The following PLCXD3 variants were observed in gnomAD, a reference collection of about 807,000 sequenced individuals.
PLCXD3 encodes the protein PI-PLC X domain-containing protein 3.
A neutral mutation model predicts 25.5 loss-of-function variants in PLCXD3; 19 were observed. That is an observed-to-expected ratio of 0.75 (90% CI 0.52 to 1.09). The LOEUF is 1.09. Among genes scored for constraint, PLCXD3 ranks in the 50% least tolerant of loss-of-function variants. The pLI is 0.00. For missense variants in PLCXD3, 411 were observed against 388.1 expected, an observed-to-expected ratio of 1.06 and a Z score of -0.50; for synonymous variants, 174 against 137.6, an observed-to-expected ratio of 1.26 and a Z score of -1.85.
intron 1 of PLCXD3, 36 bp downstream of exon 1, chr5:41,510,388 C>A (rs374057483): frequency 1.6e-5 from 24 of 1,542,648 alleles, no homozygotes; most frequent in Non-Finnish European, 2.1e-5. Flanking sequence ...GTGGAGCGGG[C>A]GCCGAGCGCC....
Position 41,312,080 on chromosome 5 carries a change from A to T in PLCXD3, c.*1537T>A, listed in dbSNP as rs1330693445. The T allele has an allele frequency of 1.3e-5, 2 of 150,776 alleles. No individual in the cohort carries two copies. Among genetic ancestry groups the T allele is most frequent in the Non-Finnish European group, 2.9e-5 (2 of 67,966 alleles). The allele number at this position is 150,776 out of a possible 1,614,324, so 9.3% of individuals were successfully genotyped here. ...CCTGTGAAGTACATAGGCAAGGATT[A>T]TTGTGCTCTAAGTTTTTTTTTTTTA... On this transcript the variant is annotated 3_prime_UTR_variant, in exon 3 of 3. Coordinates refer to ENST00000377801, the MANE Select transcript of PLCXD3 (RefSeq NM_001005473.3).
intron 2 of PLCXD3, among the ~76,000 whole-genome samples, chr5:41,329,207 A>C (rs988159279): frequency 1.3e-5 from 2 of 152,172 alleles, no homozygotes; most frequent in African/African-American, 4.8e-5. Context: ...GAGAAATTTC[A>C]GTTCTGGTCC....
intron 1 of PLCXD3, among the ~76,000 whole-genome samples, chr5:41,480,738 C>G (rs560160781): frequency 6.6e-6 from 1 of 151,630 alleles, no homozygotes; most frequent in Non-Finnish European, 1.5e-5. Context: ...CTGGCCAACA[C>G]GGTGAAACCC....
chr5:41,364,308 C>T (rs546046578), intron 2 of PLCXD3, among the ~76,000 whole-genome samples: 3 of 152,314 alleles, frequency 2.0e-5, no homozygotes, highest in Admixed American at 6.5e-5. Flanking sequence ...TCAGTCTCTT[C>T]AGGATCCTTC....
intron 2 of PLCXD3, among the ~76,000 whole-genome samples, chr5:41,374,334 T>C (rs1247289916): frequency 2.0e-5 from 3 of 152,114 alleles, no homozygotes; most frequent in Non-Finnish European, 2.9e-5. Context: ...TGCCAAGTCC[T>C]AGGCTGGGAA....
At chr5:41,409,496 G>GT (rs1746455179) in intron 1 of PLCXD3, among the ~76,000 whole-genome samples, 1 of 152,018 alleles carries the variant, frequency 6.6e-6, no homozygotes, top group Non-Finnish European at 1.5e-5. Context: ...AATAAACCTC[G>GT]TATCTAAAGT....
chr5:41,479,128 A>G (rs1748341276), intron 1 of PLCXD3, among the ~76,000 whole-genome samples: 1 of 152,344 alleles, frequency 6.6e-6, no homozygotes, highest in Non-Finnish European at 1.5e-5. Flanking sequence ...TGGTATATTC[A>G]TATAATACTA....
intron 2 of PLCXD3, among the ~76,000 whole-genome samples, chr5:41,330,967 T>C (rs951483771): frequency 1.3e-5 from 2 of 152,142 alleles, no homozygotes; most frequent in Non-Finnish European, 2.9e-5. Context: ...GAGCTATCTA[T>C]GACAAAGCCA....
At chr5:41,455,965 A>T (rs150359331) in intron 1 of PLCXD3, among the ~76,000 whole-genome samples, 2 of 151,970 alleles carry the variant, frequency 1.3e-5, no homozygotes, top group Admixed American at 1.3e-4. Context: ...CAAAGAATAG[A>T]ATCATTTAAA....
At chr5:41,458,988 A>C (rs1747814650) in intron 1 of PLCXD3, among the ~76,000 whole-genome samples, 2 of 152,042 alleles carry the variant, frequency 1.3e-5, no homozygotes, top group African/African-American at 4.8e-5. Flanking sequence ...CCTTATGAAA[A>C]GCATGTTTTA....
intron 1 of PLCXD3, among the ~76,000 whole-genome samples, chr5:41,480,048 T>C (rs1334595332): frequency 1.3e-5 from 2 of 152,338 alleles, no homozygotes; most frequent in East Asian, 3.8e-4. Flanking sequence ...GTTATGATTA[T>C]CAGTTGATAT....
intron 1 of PLCXD3, among the ~76,000 whole-genome samples, chr5:41,437,845 G>A (rs927918427): frequency 6.6e-6 from 1 of 152,128 alleles, no homozygotes; most frequent in African/African-American, 2.4e-5. Context: ...GGATTATAAG[G>A]TGCAGAGGCT....
chr5:41,424,180 T>G (rs186610308), intron 1 of PLCXD3, among the ~76,000 whole-genome samples: 375 of 152,302 alleles, frequency 2.5e-3, no homozygotes, highest in Middle Eastern at 0.02. Flanking sequence ...TTTTTATTTT[T>G]CTAACTTTTG....
intron 2 of PLCXD3, among the ~76,000 whole-genome samples, chr5:41,337,348 A>T (rs1354243182): frequency 2.6e-5 from 4 of 152,098 alleles, no homozygotes; most frequent in African/African-American, 9.7e-5. Flanking sequence ...CTCAGAAAAC[A>T]TTTGTCATGG....
At chr5:41,485,479 T>G (rs1002848417) in intron 1 of PLCXD3, among the ~76,000 whole-genome samples, 6 of 152,166 alleles carry the variant, frequency 3.9e-5, no homozygotes, top group Non-Finnish European at 8.8e-5. Flanking sequence ...CTTCATGTAT[T>G]TGAAGAAAGA....
intron 1 of PLCXD3, among the ~76,000 whole-genome samples, chr5:41,433,149 T>C (rs1297871884): frequency 1.3e-5 from 2 of 152,214 alleles, no homozygotes; most frequent in Non-Finnish European, 2.9e-5. Context: ...CTTGCCTTTG[T>C]GGCTACTCAT....
rs610667 is a variant in PLCXD3, at chr5:41,454,954, C to T, written c.103+55470G>A. On this transcript the variant is annotated intron_variant, in intron 1 of 2. Coordinates refer to ENST00000377801, the MANE Select transcript of PLCXD3 (RefSeq NM_001005473.3). ...TGGAAGGCGAAGGGGAAACAAGGCACCTTCTTCACAAGGCAGCAGGAAGGA... is the reference window on the plus strand; with the variant it reads ...TGGAAGGCGAAGGGGAAACAAGGCATCTTCTTCACAAGGCAGCAGGAAGGA... Among the ~76,000 whole-genome samples the T allele has an allele frequency of 8.5e-3, 1,287 of 151,960 alleles. 22 individuals carry two copies. Among genetic ancestry groups the T allele is most frequent in the African/African-American group, 0.03 (1,229 of 41,488 alleles).
At chr5:41,376,039 T>C (rs974191055) in intron 2 of PLCXD3, among the ~76,000 whole-genome samples, 1 of 152,080 alleles carries the variant, frequency 6.6e-6, no homozygotes, top group African/African-American at 2.4e-5. Context: ...GCCTGGCACA[T>C]AATGTGGGCT....
At chr5:41,506,294 G>T (rs1372201938) in intron 1 of PLCXD3, among the ~76,000 whole-genome samples, 1 of 152,212 alleles carries the variant, frequency 6.6e-6, no homozygotes, top group Non-Finnish European at 1.5e-5. Context: ...TCGAGGATTT[G>T]ATTCATCAAG....
Sources: gnomAD v4.1 joint callset for allele counts (sites outside exome capture counted in the v4.1 genomes callset) on GRCh38, gnomAD v4.1.1 for gene constraint, MANE v1.5 for transcripts, NCBI Gene and HGNC (gene_info 2026-07-23, HGNC 2026-07-21) for gene names.